DDX25: variants seen among roughly 807,000 people sequenced by gnomAD.
The protein encoded by DDX25 is DEAD-box helicase 25, also known as ATP-dependent RNA helicase DDX25.
In DDX25, 70 loss-of-function variants were observed where a neutral mutation model predicts 64.6. The ratio of observed to expected loss-of-function variants is 1.08; its 90% CI spans 0.89 to 1.32. The LOEUF (loss-of-function observed/expected upper bound fraction) is 1.32, where lower values mean the gene tolerates loss of function less well. Ranked by LOEUF, DDX25 falls within the 40% of genes most tolerant of loss-of-function variation. The pLI is 0.00. For synonymous variants in DDX25, 211 were observed against 213.3 expected (o/e 0.99, Z 0.09); for missense variants, 587 against 604.4 (o/e 0.97, Z 0.30).
chr11:125,909,108 T>G lies in DDX25; in HGVS notation c.507+605T>G, dbSNP rs557497679. On this transcript the variant is annotated intron_variant, in intron 6 of 11. Coordinates refer to ENST00000263576, the MANE Select transcript of DDX25 (RefSeq NM_013264.5). ...ACTGGCACTGGTACCCGGTTTACCA[T>G]TCTCCTAGTGTAGTTTCCACTCATG... Among the ~76,000 whole-genome samples the G allele has an allele frequency of 5.3e-5, 8 of 152,282 alleles. No individual in the cohort carries two copies. In the South Asian group the frequency reaches 1.7e-3, roughly 32 times the overall value.
intron 8 of DDX25, among the ~76,000 whole-genome samples, chr11:125,915,117 G>A: frequency 6.6e-6 from 1 of 152,124 alleles, no homozygotes; most frequent in East Asian, 1.9e-4. Flanking sequence ...CCCCAAAAAG[G>A]GCTTTCTAAG....
intron 6 of DDX25, 135 bp from the exon 7 acceptor site, chr11:125,910,229 T>A: frequency 1.5e-6 from 1 of 668,712 alleles, no homozygotes; most frequent in Non-Finnish European, 2.6e-6. Context: ...CTGTATCCAA[T>A]TAAAAATATT....
chr11:125,913,567 C>T (rs1944993983), intron 8 of DDX25, among the ~76,000 whole-genome samples: 2 of 152,116 alleles, frequency 1.3e-5, no homozygotes, highest in South Asian at 4.2e-4. Flanking sequence ...CCTCAGCTTC[C>T]ACTGTTGTTA....
intron 8 of DDX25, among the ~76,000 whole-genome samples, chr11:125,913,653 G>A (rs181539222): frequency 6.6e-6 from 1 of 151,346 alleles, no homozygotes; most frequent in East Asian, 1.9e-4. Flanking sequence ...AGAAGCCTTT[G>A]GAGTCTTCTT....
Position 125,917,008 on chromosome 11 carries a change from T to C in DDX25, c.801-6T>C, listed in dbSNP as rs552995568. On this transcript the variant is annotated splice_polypyrimidine_tract_variant and splice_region_variant and intron_variant, in intron 8 of 11. Coordinates refer to ENST00000263576, the MANE Select transcript of DDX25 (RefSeq NM_013264.5). ...CTTGGTGACAGCCTTCTCTCCTCTA[T>C]CACAGAGCTCTACCCTCCGAATGCC... 460 of 1,581,110 alleles carry C rather than the reference T, an allele frequency of 2.9e-4. 15 individuals carry two copies. In the South Asian group the frequency reaches 5.0e-3, roughly 17 times the overall value.
chr11:125,904,750 T>TC, intron 1 of DDX25, 170 bp downstream of exon 1: 2 of 813,910 alleles, frequency 2.5e-6, no homozygotes, highest in South Asian at 1.6e-5. Context: ...GGAGACCCCG[T>TC]CCCCACCCCC....
intron 4 of DDX25, among the ~76,000 whole-genome samples, chr11:125,906,682 C>T (rs917560791): frequency 2.0e-5 from 3 of 151,348 alleles, no homozygotes; most frequent in East Asian, 2.0e-4. Flanking sequence ...AAAAAGTAGC[C>T]GGGCATGGTG....
chr11:125,912,584 A>T (rs1944980325), intron 8 of DDX25, among the ~76,000 whole-genome samples: 1 of 152,196 alleles, frequency 6.6e-6, no homozygotes, highest in Non-Finnish European at 1.5e-5. Context: ...ACAAGAAAAA[A>T]GTCCATATAC....
chr11:125,909,798 C>T (rs1296427934), intron 6 of DDX25, among the ~76,000 whole-genome samples: 1 of 151,826 alleles, frequency 6.6e-6, no homozygotes, highest in African/African-American at 2.4e-5. Context: ...TACAGGCACC[C>T]GCCATCACGC....
chr11:125,904,585 C>A lies in DDX25; in HGVS notation c.63+5C>A. The A allele has an allele frequency of 6.7e-7, 1 of 1,482,584 alleles. No homozygotes were observed. The highest frequency in any genetic ancestry group is 9.0e-7 in the Non-Finnish European group (1 of 1,116,670). The allele number at this position is 1,482,584 out of a possible 1,614,324, so 91.8% of individuals were successfully genotyped here. On this transcript the variant is annotated splice_donor_5th_base_variant and intron_variant, in intron 1 of 11. Coordinates refer to ENST00000263576, the MANE Select transcript of DDX25 (RefSeq NM_013264.5). ...AGCGAGCGGCTGAACAGCCACGTAA[C>A]CGCCACCGAGCCGGGGGGCCACAGC...
chr11:125,905,919 C>A, intron 3 of DDX25, 155 bp from the exon 4 acceptor site: 2 of 959,556 alleles, frequency 2.1e-6, no homozygotes, highest in Non-Finnish European at 3.0e-6. Context: ...AAGAACGAAT[C>A]CTCAGTGCTA....
At chr11:125,910,315 G>T in intron 6 of DDX25, 49 bp from the exon 7 acceptor site, 1 of 1,489,314 alleles carries the variant, frequency 6.7e-7, no homozygotes, top group Non-Finnish European at 9.3e-7. Flanking sequence ...AAATTTGAAA[G>T]ATGCCTGTAA....
Position 125,921,395 on chromosome 11 carries a change from C to T in DDX25, c.1390+16C>T. On this transcript the variant is annotated intron_variant, in intron 11 of 11. Transcript: ENST00000263576. The surrounding 1 kb of genome is among the most constrained non-coding windows in gnomAD (Gnocchi z 4.1). ...GACCACTTTAGTAAGTAGCACCACC[C>T]TCACAATATGAACTACAGACCTGCC... 6.2e-7 allele frequency: 1 copy of T among 1,610,950 alleles called. No individual in the cohort carries two copies. The highest frequency in any genetic ancestry group is 8.5e-7 in the Non-Finnish European group (1 of 1,178,218).
rs369400119 is a variant in DDX25, at chr11:125,908,222, A to G, written c.338A>G (p.Tyr113Cys). The stretch of plus-strand genomic sequence containing the variant: ...AAGGAAGAGTTACTAAAAGGAATCT[A>G]TGCAATGGGATTTAATAGGCCATCT... ...RLKEELLKGI[Y>C]AMGFNRPSKI... The change falls in exon 5 of 12, where the codon TAT becomes TGT. Residue 113 changes from tyrosine (Y) to cysteine (C), a missense_variant. Coordinates refer to ENST00000263576, the MANE Select transcript of DDX25 (RefSeq NM_013264.5). 6.3e-5 allele frequency: 102 copies of G among 1,610,712 alleles called. No homozygotes were observed. The highest frequency in any genetic ancestry group is 1.7e-5 in the Non-Finnish European group (20 of 1,178,308).
At chr11:125,913,419 T>G (rs1439506216) in intron 8 of DDX25, among the ~76,000 whole-genome samples, 1 of 152,166 alleles carries the variant, frequency 6.6e-6, no homozygotes, top group Non-Finnish European at 1.5e-5. Context: ...TCTGAAGATG[T>G]CCTTATTGTA....
intron 4 of DDX25, among the ~76,000 whole-genome samples, chr11:125,907,334 C>G (rs528168405): frequency 3.3e-5 from 5 of 152,102 alleles, no homozygotes; most frequent in Admixed American, 6.5e-5. Flanking sequence ...GTTGGCCGGG[C>G]GCGGTGGCTC....
chr11:125,918,537 A>G (rs1352503552), intron 9 of DDX25, 91 bp from the exon 10 acceptor site: 18 of 1,415,320 alleles, frequency 1.3e-5, no homozygotes. Flanking sequence ...GCCCTCTCCC[A>G]CCCCCGCCCT....
At chr11:125,907,534 G>T (rs1944910166) in intron 4 of DDX25, among the ~76,000 whole-genome samples, 2 of 152,244 alleles carry the variant, frequency 1.3e-5, no homozygotes, top group South Asian at 4.1e-4. Context: ...CGTGAACCCG[G>T]GAGGTGGAGC....
At position 125,918,766 on chromosome 11, in the gene DDX25, A is replaced by G; in HGVS notation, c.1177A>G (p.Ile393Val). The change falls in exon 10 of 12, where the codon ATA becomes GTA. Residue 393 changes from isoleucine (I) to valine (V), a missense_variant. Transcript: ENST00000263576. ...TCGGGATGGGAAAGAGAAGGTTCTC[A>G]TAACAACTAATGTTTGTGCCCGAGG... Reference protein sequence around the residue: ...RFRDGKEKVLITTNVCARGID... With the variant: ...RFRDGKEKVLVTTNVCARGID... 2 of 1,594,476 alleles carry G rather than the reference A, an allele frequency of 1.3e-6. No individual in the cohort carries two copies. The highest frequency in any genetic ancestry group is 1.7e-6 in the Non-Finnish European group (2 of 1,170,242).
Sources: allele counts gnomAD v4.1 joint callset (sites outside exome capture counted in the v4.1 genomes callset), GRCh38; gene constraint gnomAD v4.1.1; non-coding constraint Gnocchi (gnomAD v3.1); transcripts MANE v1.5; gene names NCBI Gene and HGNC (gene_info 2026-07-23, HGNC 2026-07-21).